IRF8: variants seen among roughly 807,000 people sequenced by gnomAD.
The protein encoded by IRF8 is interferon consensus sequence binding protein 1.
IRF8 carries 14 observed loss-of-function variants against 48.7 expected under a neutral mutation model. The observed-to-expected ratio is 0.29, with a 90% CI of 0.19 to 0.45. The LOEUF (loss-of-function observed/expected upper bound fraction) is 0.45, where lower values mean the gene tolerates loss of function less well. Among genes scored for constraint, IRF8 ranks in the 20% least tolerant of loss-of-function variants. The pLI is 1.00. For synonymous variants in IRF8, 278 were observed against 227.3 expected, an observed-to-expected ratio of 1.22 and a Z score of -2.01; for missense variants, 493 against 580.7, an observed-to-expected ratio of 0.85 and a Z score of 1.55.
chr16:85,901,596 T>C (rs1007171937), intron 1 of IRF8, among the ~76,000 whole-genome samples: 1 of 152,126 alleles, frequency 6.6e-6, no homozygotes, highest in African/African-American at 2.4e-5. Context: ...CCTGCCTGGG[T>C]GACAGAGCAA....
chr16:85,915,926 G>A (rs1162530537), intron 6 of IRF8, among the ~76,000 whole-genome samples: 1 of 150,206 alleles, frequency 6.7e-6, no homozygotes, highest in Non-Finnish European at 1.5e-5. Context: ...GTCCAGCCCC[G>A]CCCCCACCTC....
At chr16:85,902,793 A>G in intron 1 of IRF8, 1 of 600,524 alleles carries the variant, frequency 1.7e-6, no homozygotes, top group South Asian at 1.9e-5. Flanking sequence ...TGGTGGCTGC[A>G]GGTTTCCCAC....
At position 85,918,397 on chromosome 16, in the gene IRF8, C is replaced by T. The variant is rs1302424064; in HGVS notation, c.602-20C>T. ...GTATGTCTCCCCGCAGCACCGTCAT[C>T]GTGTCCCTCTTGTCCACAGCATTCT... On this transcript the variant is annotated intron_variant, in intron 6 of 8. Transcript: ENST00000268638. 9 of 1,593,494 alleles carry T rather than the reference C, an allele frequency of 5.6e-6. No homozygotes were observed. The highest frequency in any genetic ancestry group is 2.7e-5 in the African/African-American group (2 of 74,818).
Position 85,922,581 on chromosome 16 carries a change from A to T in IRF8, c.*1299A>T, listed in dbSNP as rs908840051. The T allele has an allele frequency of 6.6e-6, 1 of 152,138 alleles. No homozygotes were observed. The highest frequency in any genetic ancestry group is 1.5e-5 in the Non-Finnish European group (1 of 68,010). 9.4% of individuals were successfully genotyped at this position (152,138 alleles called of 1,614,324 possible). A position where few individuals can be genotyped will look rare whatever the true frequency, so the allele number is the denominator to read the frequency against. Reference sequence around the variant, plus strand: ...AGTATATTGATCTCTTTTATTCTTTATTAAAATAAAATGCTCTTTTTTAAA... The same window carrying T: ...AGTATATTGATCTCTTTTATTCTTTTTTAAAATAAAATGCTCTTTTTTAAA... On this transcript the variant is annotated 3_prime_UTR_variant, in exon 9 of 9. Transcript: ENST00000268638.
chr16:85,917,575 T>G (rs1025266465), intron 6 of IRF8, among the ~76,000 whole-genome samples: 3 of 152,232 alleles, frequency 2.0e-5, no homozygotes, highest in Non-Finnish European at 4.4e-5. Context: ...CTGGCTAGAA[T>G]TGATTAAGAT....
intron 2 of IRF8, among the ~76,000 whole-genome samples, chr16:85,906,807 A>T (rs117600116): frequency 6.6e-6 from 1 of 152,078 alleles, no homozygotes; most frequent in South Asian, 2.1e-4. Flanking sequence ...TGGTTGTCAC[A>T]GCTAGGGGAG....
At chr16:85,907,161 T>G (rs1358699184) in intron 2 of IRF8, among the ~76,000 whole-genome samples, 2 of 152,218 alleles carry the variant, frequency 1.3e-5, no homozygotes, top group African/African-American at 4.8e-5. Flanking sequence ...TTATGCTCAC[T>G]AATGGGAATG....
chr16:85,902,280 T>A (rs1164272856), intron 1 of IRF8, among the ~76,000 whole-genome samples: 3 of 152,182 alleles, frequency 2.0e-5, no homozygotes. Context: ...GCATGTAAGG[T>A]CCAGGCCCTG....
chr16:85,904,812 CTTTTTTTT>C (rs1177860791), intron 2 of IRF8, among the ~76,000 whole-genome samples: 3 of 87,598 alleles, frequency 3.4e-5, no homozygotes, highest in South Asian at 4.0e-4. Flanking sequence ...GATTGCAGAT[CTTTTTTTT>C]TTTTTTTTTT....
Position 85,903,024 on chromosome 16 carries a change from C to T in IRF8, c.9C>T (p.Asp3=). 6.2e-7 allele frequency: 1 copy of T among 1,614,084 alleles called. No homozygotes were observed. The highest frequency in any genetic ancestry group is 8.5e-7 in the Non-Finnish European group (1 of 1,179,964). MC[D]RNGGRRLRQW... ...TTTCTGTCTTTCCAAGGATGTGTGA[C>T]CGGAATGGTGGTCGGCGGCTTCGAC... The change falls in exon 2 of 9, where the codon GAC becomes GAT. Residue 3 remains aspartate (D), a synonymous_variant. Coordinates refer to ENST00000268638, the MANE Select transcript of IRF8 (RefSeq NM_002163.4).
chr16:85,902,994 G>A (rs556789652), intron 1 of IRF8, 21 bp from the exon 2 acceptor site: 65 of 1,613,650 alleles, frequency 4.0e-5, no homozygotes, highest in African/African-American at 2.1e-4. Flanking sequence ...ATATCACAGC[G>A]TGTATTTCTG....
At position 85,911,626 on chromosome 16, in the gene IRF8, G is replaced by A. The variant is rs138032891; in HGVS notation, c.415G>A (p.Gly139Ser). 766 of 1,614,054 alleles carry A rather than the reference G, an allele frequency of 4.7e-4. 5 individuals carry two copies. Among genetic ancestry groups the A allele is most frequent in the Middle Eastern group, 2.5e-3 (15 of 6,060 alleles). ...CVNEVTEMECGRSEIDELIKE... is the reference protein window; with the variant it reads ...CVNEVTEMECSRSEIDELIKE... ...GAATGAAGTTACAGAGATGGAGTGC[G>A]GTCGCTCTGAAATCGACGAGCTGAT... The change falls in exon 4 of 9, where the codon GGT becomes AGT. Residue 139 changes from glycine (G) to serine (S), a missense_variant. Transcript: ENST00000268638.
chr16:85,920,181 T>C lies in IRF8; in HGVS notation c.1061T>C (p.Phe354Ser), dbSNP rs139170705. Reference protein sequence around the residue: ...GRVVLCFGEEFPDMAPLRSKL... With the variant: ...GRVVLCFGEESPDMAPLRSKL... ...GTGGTGCTGTGCTTTGGGGAAGAGT[T>C]TCCGGATATGGCCCCCTTGCGCTCC... The change falls in exon 8 of 9, where the codon TTT (phenylalanine) becomes TCT (serine). Residue 354 changes from phenylalanine (F) to serine (S), a missense_variant. By Grantham distance (155) the Phe-to-Ser change is radical. Transcript: ENST00000268638. 6.2e-7 allele frequency: 1 copy of C among 1,613,668 alleles called. No individual in the cohort carries two copies. The highest frequency in any genetic ancestry group is 8.5e-7 in the Non-Finnish European group (1 of 1,179,938).
Position 85,921,214 on chromosome 16 carries a change from A to T in IRF8, c.1213A>T (p.Met405Leu). The T allele has an allele frequency of 1.9e-6, 3 of 1,614,220 alleles. No individual in the cohort carries two copies. The highest frequency in any genetic ancestry group is 2.5e-6 in the Non-Finnish European group (3 of 1,180,044). The stretch of plus-strand genomic sequence containing the variant: ...GCCGCCGCCAGACCAGGTCTTCCGG[A>T]TGTTTCCAGATATTTGTGCCTCACA... Reference protein sequence around the residue: ...EEPPPDQVFRMFPDICASHQR... With the variant: ...EEPPPDQVFRLFPDICASHQR... Residue 405 changes from methionine (M) to leucine (L), a missense_variant, in exon 9 of 9, where the codon ATG (methionine) becomes TTG (leucine). By Grantham distance (15) the Met-to-Leu change is conservative. Transcript: ENST00000268638.
intron 4 of IRF8, 51 bp from the exon 5 acceptor site, chr16:85,913,080 G>T: frequency 8.0e-7 from 1 of 1,246,408 alleles, no homozygotes; most frequent in Non-Finnish European, 1.2e-6. Context: ...GGAGCCCCAG[G>T]TGGGAGATCA....
In IRF8 at chr16:85,911,599, G is replaced by A. The variant is rs769356293; in HGVS notation, c.388G>A (p.Val130Met). The change falls in exon 4 of 9, where the codon GTG becomes ATG. Residue 130 changes from valine to methionine, a missense_variant. By Grantham distance (21) the Val-to-Met change is conservative. This residue lies in a region of IRF8 where 408 missense variants were observed against 449.6 expected (regional missense o/e 0.91). Coordinates refer to ENST00000268638, the MANE Select transcript of IRF8 (RefSeq NM_002163.4). ...ACTAGGCGTGGCAACTGCTGGCTGC[G>A]TGAATGAAGTTACAGAGATGGAGTG... The part of the protein sequence containing the change: ...CKLGVATAGC[V>M]NEVTEMECGR... 5.0e-5 allele frequency: 80 copies of A among 1,613,996 alleles called. No homozygotes were observed. In the South Asian group the frequency reaches 7.6e-4, roughly 15 times the overall value.
Position 85,918,542 on chromosome 16 carries a change from G to A in IRF8, c.727G>A (p.Gly243Arg). 6.2e-7 allele frequency: 1 copy of A among 1,602,450 alleles called. No individual in the cohort carries two copies. Among genetic ancestry groups the A allele is most frequent in the Non-Finnish European group, 8.5e-7 (1 of 1,178,898 alleles). Residue 243 changes from glycine to arginine, a missense_variant, in exon 7 of 9, where the codon GGG becomes AGG. By Grantham distance (125) the Gly-to-Arg change is moderately radical (BLOSUM62 -2). This residue lies in a region of IRF8 where 408 missense variants were observed against 449.6 expected (regional missense o/e 0.91). Transcript: ENST00000268638. ...TGGGCTGCCCGGCACCAAGCTGTAT[G>A]GGCCCGAGGGCCTGGAGCTGGTGCG... The part of the protein sequence containing the change: ...QPGLPGTKLY[G>R]PEGLELVRFP...
intron 2 of IRF8, among the ~76,000 whole-genome samples, chr16:85,903,967 T>C (rs943526837): frequency 2.6e-5 from 4 of 152,192 alleles, no homozygotes; most frequent in Admixed American, 6.5e-5. Context: ...TCAACAGAGA[T>C]TTCTTGCCAT....
intron 5 of IRF8, chr16:85,914,224 A>G: frequency 1.8e-6 from 1 of 550,848 alleles, no homozygotes; most frequent in Non-Finnish European, 3.3e-6. Context: ...ACATTGACAC[A>G]TGGTCAGAAA....
Sources: gnomAD v4.1 joint callset for allele counts (sites outside exome capture counted in the v4.1 genomes callset) on GRCh38, gnomAD v4.1.1 for gene constraint, gnomAD v4.1.1 regional missense constraint, MANE v1.5 for transcripts, NCBI Gene and HGNC (gene_info 2026-07-23, HGNC 2026-07-21) for gene names.